Variants in CEP128 observed in about 807,000 individuals in gnomAD.
CEP128 encodes centrosomal protein 128kDa.
CEP128 carries 132 observed loss-of-function variants against 156.7 expected under a neutral mutation model. The ratio of observed to expected loss-of-function variants is 0.84; its 90% CI spans 0.73 to 0.97. CEP128 has a LOEUF of 0.97. Among genes scored for constraint, CEP128 ranks in the 50% least tolerant of loss-of-function variants. CEP128 has a pLI of 0.00. For missense variants in CEP128, 1,252 were observed against 1,281.9 expected (o/e 0.98, Z 0.36); for synonymous variants, 469 against 448.9 (o/e 1.04, Z -0.57).
chr14:80,707,282 T>C (rs1391254247), intron 19 of CEP128, among the ~76,000 whole-genome samples: 1 of 152,168 alleles, frequency 6.6e-6, no homozygotes, highest in African/African-American at 2.4e-5. Context: ...GCTATGGTTC[T>C]AATGACAGTT....
At chr14:80,772,654 G>A (rs1311523526) in intron 16 of CEP128, among the ~76,000 whole-genome samples, 3 of 152,110 alleles carry the variant, frequency 2.0e-5, no homozygotes, top group African/African-American at 7.2e-5. Flanking sequence ...AGACACCCAC[G>A]CCTGGATGCT....
At chr14:80,905,805 G>C (rs1883854708) in intron 5 of CEP128, 150 bp downstream of exon 5, 1 of 666,304 alleles carries the variant, frequency 1.5e-6, no homozygotes, top group Admixed American at 3.5e-5. Context: ...ATATTTCAAA[G>C]CATGTACTAT....
chr14:80,924,350 T>C (rs543374441), intron 2 of CEP128, among the ~76,000 whole-genome samples: 7 of 152,336 alleles, frequency 4.6e-5, no homozygotes, highest in Admixed American at 4.6e-4. Context: ...GTCAGTTCTG[T>C]TATGTTAGTG....
chr14:80,781,637 G>C (rs1488273373), intron 15 of CEP128, among the ~76,000 whole-genome samples: 2 of 150,994 alleles, frequency 1.3e-5, no homozygotes, highest in Non-Finnish European at 2.9e-5. Context: ...TATCCGGGGG[G>C]CTAAAGGAAG....
At chr14:80,533,947 A>G (rs1313396727) in intron 21 of CEP128, among the ~76,000 whole-genome samples, 2 of 152,186 alleles carry the variant, frequency 1.3e-5, no homozygotes, top group Non-Finnish European at 2.9e-5. Flanking sequence ...CAAAAGATGT[A>G]ATAATTATAC....
chr14:80,552,056 A>C (rs890641230), intron 21 of CEP128, among the ~76,000 whole-genome samples: 2 of 152,130 alleles, frequency 1.3e-5, no homozygotes, highest in Non-Finnish European at 2.9e-5. Context: ...TTTTTAAATA[A>C]AGTGGGAGAG....
At chr14:80,942,358 A>C (rs550062879), upstream of CEP128, 11 of 152,348 alleles carry the variant, frequency 7.2e-5, no homozygotes, top group African/African-American at 2.6e-4. Context: ...CTGCTACTTC[A>C]GTCTAGGTGT....
intron 18 of CEP128, among the ~76,000 whole-genome samples, chr14:80,747,052 G>A (rs992841224): frequency 1.3e-4 from 20 of 152,268 alleles, no homozygotes; most frequent in African/African-American, 4.3e-4. Flanking sequence ...CACCCAGCAG[G>A]GTAGCTAAAA....
chr14:80,499,565 T>C lies in CEP128; in HGVS notation c.3182-1983A>G, dbSNP rs944052282. On this transcript the variant is annotated intron_variant, in intron 24 of 24. Transcript: ENST00000555265. ...TTGGGCTTATTTATTTTAACAAACA[T>C]TATGTTTTCAAACAGTTTTAGATTT... Among the ~76,000 whole-genome samples the C allele has an allele frequency of 3.3e-5, 5 of 152,220 alleles. No homozygotes were observed. The East Asian group carries it at 9.6e-4, about 29-fold the overall frequency.
At chr14:80,778,723 T>TA (rs1047279251) in intron 15 of CEP128, among the ~76,000 whole-genome samples, 2 of 152,188 alleles carry the variant, frequency 1.3e-5, no homozygotes, top group African/African-American at 4.8e-5. Context: ...AACCAGCTTT[T>TA]AAAAAATAAA....
At chr14:80,488,032 A>C (rs199704450), downstream of CEP128, among the ~76,000 whole-genome samples, 11 of 149,452 alleles carry the variant, frequency 7.4e-5, no homozygotes, top group Admixed American at 1.4e-4. Flanking sequence ...AAATCAGAGC[A>C]GAACTGAAGG....
rs978918257 is a variant in CEP128, at chr14:80,907,671, A to C, written c.235-1590T>G. On this transcript the variant is annotated intron_variant, in intron 4 of 24. Coordinates refer to ENST00000555265, the MANE Select transcript of CEP128 (RefSeq NM_152446.5). ...AGACTCTGTTTCAAAAAAAAAAAAA[A>C]AAAAAAAACCTCAGCATCAATCCAC... Among the ~76,000 whole-genome samples, 16 of 151,624 alleles carry C rather than the reference A, an allele frequency of 1.1e-4. 1 individual carries two copies. The highest frequency in any genetic ancestry group is 3.9e-4 in the African/African-American group (16 of 41,272).
intron 12 of CEP128, among the ~76,000 whole-genome samples, chr14:80,835,829 A>G (rs1886043382): frequency 6.6e-6 from 1 of 152,200 alleles, no homozygotes; most frequent in African/African-American, 2.4e-5. Context: ...AAATTGAGAT[A>G]AGAGAATGTG....
chr14:80,661,114 G>A (rs759051135), intron 19 of CEP128, among the ~76,000 whole-genome samples: 5 of 152,066 alleles, frequency 3.3e-5, no homozygotes, highest in Admixed American at 6.6e-5. Flanking sequence ...GAAGCTGGGC[G>A]TGGCTACTCA....
intron 2 of CEP128, among the ~76,000 whole-genome samples, chr14:80,918,704 G>A (rs1161110405): frequency 6.6e-6 from 1 of 152,118 alleles, no homozygotes. Flanking sequence ...GTGCAGGCCA[G>A]AGCCTACATG....
chr14:80,938,144 T>C (rs901633175), intron 2 of CEP128, among the ~76,000 whole-genome samples: 2 of 152,144 alleles, frequency 1.3e-5, no homozygotes, highest in African/African-American at 2.4e-5. Flanking sequence ...GCGATCCTCC[T>C]GCCTTGGCCT....
intron 13 of CEP128, among the ~76,000 whole-genome samples, chr14:80,823,937 T>C (rs112636549): frequency 2.0e-5 from 3 of 152,340 alleles, no homozygotes; most frequent in African/African-American, 7.2e-5. Context: ...TAGCAGAGGT[T>C]CTCCATGATG....
intron 19 of CEP128, among the ~76,000 whole-genome samples, chr14:80,587,242 C>A (rs558195426): frequency 6.6e-6 from 1 of 152,196 alleles, no homozygotes; most frequent in South Asian, 2.1e-4. Flanking sequence ...TCTGGATATA[C>A]CGCAATGAGT....
chr14:80,580,319 G>A (rs1891531292), intron 20 of CEP128, 55 bp downstream of exon 20: 1 of 1,110,368 alleles, frequency 9.0e-7, no homozygotes, highest in Non-Finnish European at 1.4e-6. Context: ...AAGGATAAAA[G>A]AGTAAAAAAC....
Sources: gnomAD v4.1 joint callset for allele counts (sites outside exome capture counted in the v4.1 genomes callset) on GRCh38, gnomAD v4.1.1 for gene constraint, MANE v1.5 for transcripts, NCBI Gene and HGNC (gene_info 2026-07-23, HGNC 2026-07-21) for gene names.